The following SLC35D4 variants were observed in gnomAD, a reference collection of about 807,000 sequenced individuals.
The protein encoded by SLC35D4 is solute carrier family 35 member D4.
chr18:23,408,668 T>C, the SLC35D4 span, among the ~76,000 whole-genome samples: 1 of 152,160 alleles, frequency 6.6e-6, no homozygotes, highest in African/African-American at 2.4e-5. Context: ...TCAATAAACA[T>C]TTATTAACCA....
the SLC35D4 span, among the ~76,000 whole-genome samples, chr18:23,249,815 G>C: frequency 1.3e-5 from 2 of 152,110 alleles, no homozygotes; most frequent in South Asian, 4.1e-4. Flanking sequence ...GAGAGCCCTT[G>C]TCTAGGGAGC....
chr18:23,418,804 G>A, the SLC35D4 span, among the ~76,000 whole-genome samples: 1 of 151,810 alleles, frequency 6.6e-6, no homozygotes, highest in South Asian at 2.1e-4. Flanking sequence ...TCAGGAGATT[G>A]AGACCATCCT....
At chr18:23,255,643 T>A in the SLC35D4 span, among the ~76,000 whole-genome samples, 1 of 148,676 alleles carries the variant, frequency 6.7e-6, no homozygotes, top group Non-Finnish European at 1.5e-5. Context: ...CACTGCAGCC[T>A]CCACCTCCCA....
At chr18:23,276,127 G>T in the SLC35D4 span, among the ~76,000 whole-genome samples, 2 of 151,502 alleles carry the variant, frequency 1.3e-5, no homozygotes, top group Non-Finnish European at 1.5e-5. Context: ...TCACTCTGTC[G>T]CCCAGCCTGG....
chr18:23,277,100 T>C, the SLC35D4 span, among the ~76,000 whole-genome samples: 6 of 152,344 alleles, frequency 3.9e-5, no homozygotes, highest in East Asian at 9.6e-4. Flanking sequence ...CACTTGTGTG[T>C]CTGCAGTCAG....
chr18:23,311,158 G>A, the SLC35D4 span, among the ~76,000 whole-genome samples: 1 of 150,620 alleles, frequency 6.6e-6, no homozygotes, highest in African/African-American at 2.5e-5. Flanking sequence ...CTGGAGTGCA[G>A]TGGCGTGATC....
At chr18:23,408,565 G>A in the SLC35D4 span, among the ~76,000 whole-genome samples, 4 of 152,094 alleles carry the variant, frequency 2.6e-5, no homozygotes, top group Admixed American at 6.5e-5. Flanking sequence ...ACAGCTACTC[G>A]GTTTTCAAGA....
At chr18:23,308,848 T>TTC in the SLC35D4 span, among the ~76,000 whole-genome samples, 14,975 of 139,888 alleles carry the variant, frequency 0.11, 872 homozygotes, top group Middle Eastern at 0.17. Flanking sequence ...AGCACGTGTT[T>TTC]TCTCTCTCTC....
the SLC35D4 span, among the ~76,000 whole-genome samples, chr18:23,404,292 C>A: frequency 1.3e-5 from 2 of 152,182 alleles, no homozygotes; most frequent in African/African-American, 4.8e-5. Context: ...GTCCTAACCT[C>A]CAAAGTGATG....
chr18:23,245,474 C>T, the SLC35D4 span, among the ~76,000 whole-genome samples: 78 of 151,294 alleles, frequency 5.2e-4, no homozygotes, highest in African/African-American at 1.8e-3. Flanking sequence ...TGTACTCCAT[C>T]CTGGGCAACA....
the SLC35D4 span, among the ~76,000 whole-genome samples, chr18:23,381,327 G>A: frequency 6.6e-6 from 1 of 152,182 alleles, no homozygotes; most frequent in Non-Finnish European, 1.5e-5. Flanking sequence ...GGTTTCCTCA[G>A]GGAAGTAGAA....
At chr18:23,386,941 G>A in the SLC35D4 span, among the ~76,000 whole-genome samples, 3 of 152,094 alleles carry the variant, frequency 2.0e-5, no homozygotes, top group South Asian at 2.1e-4. Flanking sequence ...ACAGAGTCTC[G>A]CTCTGCCGCC....
chr18:23,253,953 C>A, the SLC35D4 span: 6 of 1,610,324 alleles, frequency 3.7e-6, no homozygotes, highest in Non-Finnish European at 5.1e-6. Flanking sequence ...AGCCTTTTTC[C>A]TGGTGGCTGG....
At chr18:23,387,759 T>A in the SLC35D4 span, among the ~76,000 whole-genome samples, 2 of 152,262 alleles carry the variant, frequency 1.3e-5, no homozygotes, top group African/African-American at 2.4e-5. Flanking sequence ...ATTTTTATCT[T>A]TCATTAAAAG....
At chr18:23,250,470 A>G in the SLC35D4 span, among the ~76,000 whole-genome samples, 1 of 152,198 alleles carries the variant, frequency 6.6e-6, no homozygotes, top group Admixed American at 6.5e-5. Flanking sequence ...CCTATTTCCA[A>G]AATGAAATCT....
chr18:23,332,201 A>G, the SLC35D4 span, among the ~76,000 whole-genome samples: 1 of 151,950 alleles, frequency 6.6e-6, no homozygotes, highest in South Asian at 2.1e-4. Flanking sequence ...GGCCTTGAAC[A>G]TGTATTTTTT....
the SLC35D4 span, chr18:23,365,816 G>T: frequency 1.2e-6 from 1 of 867,058 alleles, no homozygotes; most frequent in Non-Finnish European, 1.8e-6. Flanking sequence ...GCTCCTCAGA[G>T]AGAGTAAGAA....
chr18:23,430,528 T>TA, the SLC35D4 span: 1 of 961,134 alleles, frequency 1.0e-6, no homozygotes, highest in Non-Finnish European at 1.6e-6. Context: ...ACAATATGTC[T>TA]ATTTGACAAA....
the SLC35D4 span, among the ~76,000 whole-genome samples, chr18:23,345,481 CAAA>C: frequency 2.0e-3 from 114 of 57,216 alleles, no homozygotes; most frequent in African/African-American, 7.0e-3. Context: ...GACTCCATCT[CAAA>C]AAAAAAAAAA....
Sources: gnomAD v4.1 joint callset for allele counts (sites outside exome capture counted in the v4.1 genomes callset) on GRCh38, gnomAD v4.1.1 for gene constraint, MANE v1.5 for transcripts, NCBI Gene and HGNC (gene_info 2026-07-23, HGNC 2026-07-21) for gene names.